The following EIPR1 variants were observed in gnomAD, a reference collection of about 807,000 sequenced individuals.
EIPR1 encodes EARP complex and GARP complex interacting protein 1.
EIPR1 carries 25 observed loss-of-function variants against 48.1 expected under a neutral mutation model. The observed-to-expected ratio is 0.52, with a 90% CI of 0.38 to 0.73. EIPR1 has a LOEUF of 0.73. EIPR1 is among the 30% of genes least tolerant of loss of function. The pLI, the probability that EIPR1 is intolerant of heterozygous loss-of-function variation, is 0.00. For synonymous variants in EIPR1, 204 were observed against 201.9 expected, an observed-to-expected ratio of 1.01 and a Z score of -0.09; for missense variants, 415 against 506.2, an observed-to-expected ratio of 0.82 and a Z score of 1.73.
intron 2 of EIPR1, among the ~76,000 whole-genome samples, chr2:3,348,750 C>T (rs918895995): frequency 2.0e-5 from 3 of 152,210 alleles, no homozygotes; most frequent in Admixed American, 6.5e-5. Flanking sequence ...CTGAAAGGAG[C>T]GAGGACCTGA....
intron 5 of EIPR1, among the ~76,000 whole-genome samples, chr2:3,202,682 C>T (rs1445113228): frequency 2.0e-5 from 3 of 152,200 alleles, no homozygotes; most frequent in Non-Finnish European, 4.4e-5. Flanking sequence ...GCTGAGCCCC[C>T]AACAGAGCTA....
intron 4 of EIPR1, among the ~76,000 whole-genome samples, chr2:3,255,752 GTCTCAC>G (rs1667135754): frequency 6.6e-6 from 1 of 152,190 alleles, no homozygotes. Flanking sequence ...CCTGCGCAGA[GTCTCAC>G]TCATCTGCTC....
At chr2:3,287,518 T>A (rs1354546983) in intron 3 of EIPR1, among the ~76,000 whole-genome samples, 1 of 117,754 alleles carries the variant, frequency 8.5e-6, no homozygotes. Context: ...CCAGAAAGTT[T>A]GTTCACCACG....
chr2:3,277,704 C>T (rs958330854), intron 3 of EIPR1, among the ~76,000 whole-genome samples: 6 of 152,238 alleles, frequency 3.9e-5, no homozygotes, highest in African/African-American at 9.6e-5. Context: ...GGGTCCCTGC[C>T]AGGCGCTGCC....
intron 3 of EIPR1, among the ~76,000 whole-genome samples, chr2:3,283,992 A>T (rs1668098843): frequency 6.6e-6 from 1 of 152,108 alleles, no homozygotes; most frequent in South Asian, 2.1e-4. Flanking sequence ...GAAAAGGGAA[A>T]ACAACCACCT....
rs1669163051 is a variant in EIPR1, at chr2:3,312,618, A to C, written c.259+25399T>G. On this transcript the variant is annotated intron_variant, in intron 3 of 8. Transcript: ENST00000382125. The surrounding 1 kb of genome is among the most constrained non-coding windows in gnomAD (Gnocchi z 5.5). ...GTTTTATCCCTAGCTTTGCAGGTAA[A>C]GCTTTGCAGGGAGAAGGACCCACGA... 6.6e-6 allele frequency among the ~76,000 whole-genome samples: 1 copy of C among 152,154 alleles called. No individual in the cohort carries two copies. The highest frequency in any genetic ancestry group is 1.5e-5 in the Non-Finnish European group (1 of 68,034).
chr2:3,215,006 T>C (rs1466937113), intron 4 of EIPR1, among the ~76,000 whole-genome samples: 3 of 152,124 alleles, frequency 2.0e-5, no homozygotes, highest in African/African-American at 7.2e-5. Context: ...TGTCTACACA[T>C]CAGTAAGAGA....
chr2:3,240,816 T>G (rs1344972921), intron 4 of EIPR1, among the ~76,000 whole-genome samples: 2 of 149,446 alleles, frequency 1.3e-5, no homozygotes, highest in African/African-American at 4.9e-5. Context: ...AGACCCTTCC[T>G]AAAGCAAAGC....
chr2:3,306,589 C>A (rs1282920396), intron 3 of EIPR1, among the ~76,000 whole-genome samples: 8 of 152,060 alleles, frequency 5.3e-5, no homozygotes, highest in African/African-American at 1.9e-4. Flanking sequence ...TTTTGTATGA[C>A]AAATGTATTA....
chr2:3,208,759 C>G, intron 5 of EIPR1: 2 of 1,548,536 alleles, frequency 1.3e-6, no homozygotes, highest in Non-Finnish European at 1.7e-6. Context: ...GAGTGAGGCC[C>G]GTGGCGAGTC....
chr2:3,198,875 G>A (rs1664901603), intron 5 of EIPR1, among the ~76,000 whole-genome samples: 1 of 152,114 alleles, frequency 6.6e-6, no homozygotes, highest in Non-Finnish European at 1.5e-5. Context: ...GTCCCACTGT[G>A]CTTGCATTGT....
chr2:3,200,115 A>C (rs1294762063), intron 5 of EIPR1, among the ~76,000 whole-genome samples: 1 of 152,088 alleles, frequency 6.6e-6, no homozygotes, highest in Non-Finnish European at 1.5e-5. Flanking sequence ...GGTGATAGTC[A>C]GAGGAGCTCT....
chr2:3,332,951 T>A (rs1442160579), intron 3 of EIPR1, among the ~76,000 whole-genome samples: 3 of 152,212 alleles, frequency 2.0e-5, no homozygotes, highest in Non-Finnish European at 2.9e-5. Context: ...ATGGGTTTAA[T>A]CTGAAAATGT....
intron 1 of EIPR1, among the ~76,000 whole-genome samples, chr2:3,360,717 G>C (rs1399399846): frequency 6.6e-6 from 1 of 152,210 alleles, no homozygotes; most frequent in Non-Finnish European, 1.5e-5. Flanking sequence ...GTCCATTAAA[G>C]CTTTGCTATC....
At chr2:3,326,574 C>T (rs537223643) in intron 3 of EIPR1, among the ~76,000 whole-genome samples, 11 of 152,316 alleles carry the variant, frequency 7.2e-5, no homozygotes, top group African/African-American at 1.4e-4. Context: ...CATTCACAAA[C>T]GCCTCCCTGG....
chr2:3,349,649 A>G (rs545892780), intron 2 of EIPR1, among the ~76,000 whole-genome samples: 14 of 149,418 alleles, frequency 9.4e-5, no homozygotes, highest in Admixed American at 5.3e-4. Flanking sequence ...GCTGGGAGAC[A>G]GGGACAGGGA....
intron 4 of EIPR1, among the ~76,000 whole-genome samples, chr2:3,230,257 G>A (rs925232541): frequency 2.0e-5 from 3 of 152,122 alleles, no homozygotes; most frequent in Non-Finnish European, 2.9e-5. Flanking sequence ...GGTGAGTAAC[G>A]CACACACGTC....
At chr2:3,275,801 T>C (rs1459891336) in intron 3 of EIPR1, among the ~76,000 whole-genome samples, 1 of 152,170 alleles carries the variant, frequency 6.6e-6, no homozygotes, top group Non-Finnish European at 1.5e-5. Context: ...GCTGAAATCC[T>C]ACAGTACAAA....
intron 4 of EIPR1, among the ~76,000 whole-genome samples, chr2:3,219,199 G>A (rs1665770663): frequency 6.6e-6 from 1 of 151,312 alleles, no homozygotes; most frequent in Admixed American, 6.6e-5. Flanking sequence ...AGCTTTCACA[G>A]TGAGTCAGGT....
Sources: gnomAD v4.1 joint callset for allele counts (sites outside exome capture counted in the v4.1 genomes callset) on GRCh38, gnomAD v4.1.1 for gene constraint, Gnocchi (gnomAD v3.1) non-coding constraint, MANE v1.5 for transcripts, NCBI Gene and HGNC (gene_info 2026-07-23, HGNC 2026-07-21) for gene names.